ARHGEF17: variants seen among roughly 807,000 people sequenced by gnomAD.
The protein encoded by ARHGEF17 is 164 kDa Rho-specific guanine-nucleotide exchange factor.
A neutral mutation model predicts 174.0 loss-of-function variants in ARHGEF17; 80 were observed. The ratio of observed to expected loss-of-function variants is 0.46; its 90% CI spans 0.38 to 0.55. The LOEUF is 0.55. ARHGEF17 is among the 20% of genes least tolerant of loss of function. ARHGEF17 has a pLI of 0.00. For synonymous variants in ARHGEF17, 1,311 were observed against 1,189.1 expected, an observed-to-expected ratio of 1.10 and a Z score of -2.11; for missense variants, 2,886 against 2,839.7, an observed-to-expected ratio of 1.02 and a Z score of -0.37.
intron 1 of ARHGEF17, among the ~76,000 whole-genome samples, chr11:73,338,676 A>C (rs958818384): frequency 6.6e-6 from 1 of 152,046 alleles, no homozygotes; most frequent in East Asian, 1.9e-4. Context: ...CAACCACCAC[A>C]CCAGGGAGGT....
At chr11:73,345,884 G>A (rs550148781) in intron 1 of ARHGEF17, among the ~76,000 whole-genome samples, 1 of 152,264 alleles carries the variant, frequency 6.6e-6, no homozygotes, top group South Asian at 2.1e-4. Context: ...AGGGGTCTAG[G>A]GCTTGGAGTG....
intron 1 of ARHGEF17, among the ~76,000 whole-genome samples, chr11:73,335,974 T>A (rs1865280828): frequency 6.6e-6 from 1 of 152,242 alleles, no homozygotes; most frequent in Non-Finnish European, 1.5e-5. Context: ...CTTATGGATC[T>A]TCTGGTTGTG....
intron 2 of ARHGEF17, among the ~76,000 whole-genome samples, chr11:73,350,789 C>A (rs1865540669): frequency 6.6e-6 from 1 of 152,192 alleles, no homozygotes; most frequent in Non-Finnish European, 1.5e-5. Flanking sequence ...CCCTTGGCAC[C>A]CTGATCCCAC....
At position 73,310,051 on chromosome 11, in the gene ARHGEF17, C is replaced by A. The variant is rs373339589; in HGVS notation, c.1413C>A (p.Thr471=). The change falls in exon 1 of 21, where the codon ACC becomes ACA. Residue 471 remains threonine, a synonymous_variant. Coordinates refer to ENST00000263674, the MANE Select transcript of ARHGEF17 (RefSeq NM_014786.4). ...CAAATCCAGATATCGCCTCAGAGACCCTGACGCTTCTCAGTTTCCTGCGCT... is the reference window on the plus strand; with the variant it reads ...CAAATCCAGATATCGCCTCAGAGACACTGACGCTTCTCAGTTTCCTGCGCT... The part of the protein sequence containing the change: ...SLSNPDIASE[T]LTLLSFLRSD... 34 of 1,614,040 alleles carry A rather than the reference C, an allele frequency of 2.1e-5. No individual in the cohort carries two copies. The highest frequency in any genetic ancestry group is 2.8e-5 in the Non-Finnish European group (33 of 1,180,022).
At chr11:73,361,408 G>A (rs762364955) in intron 12 of ARHGEF17, among the ~76,000 whole-genome samples, 2 of 152,168 alleles carry the variant, frequency 1.3e-5, no homozygotes, top group Non-Finnish European at 2.9e-5. Context: ...ATGGGAAGTA[G>A]CTTCATTTAT....
chr11:73,341,368 G>C (rs563424436), intron 1 of ARHGEF17, among the ~76,000 whole-genome samples: 2 of 152,096 alleles, frequency 1.3e-5, no homozygotes, highest in Non-Finnish European at 1.5e-5. Flanking sequence ...TCAGCTCACC[G>C]CAACCTCAGC....
intron 20 of ARHGEF17, among the ~76,000 whole-genome samples, chr11:73,366,490 A>T (rs1351900055): frequency 6.6e-6 from 1 of 152,154 alleles, no homozygotes; most frequent in African/African-American, 2.4e-5. Flanking sequence ...GCAGTTTGGG[A>T]GGATGAGGTG....
intron 2 of ARHGEF17, among the ~76,000 whole-genome samples, chr11:73,351,102 A>G (rs1039730597): frequency 2.0e-5 from 3 of 152,220 alleles, no homozygotes; most frequent in Admixed American, 6.5e-5. Context: ...CTTGTGGAGC[A>G]GCGGGCCCTG....
rs1328343127 is a variant in ARHGEF17, at chr11:73,332,526, G to A, written c.3193-14357G>A. ...ATTTCAGTAAGTGCATGAATCTCTG[G>A]GCTTTCCTGTGGTTGGACCTTGAGG... On this transcript the variant is annotated intron_variant, in intron 1 of 20. Coordinates refer to ENST00000263674, the MANE Select transcript of ARHGEF17 (RefSeq NM_014786.4). Among the ~76,000 whole-genome samples, 4 of 152,058 alleles carry A rather than the reference G, an allele frequency of 2.6e-5. No individual in the cohort carries two copies. The East Asian group carries it at 7.7e-4, about 29-fold the overall frequency.
In ARHGEF17 at chr11:73,365,652, C is replaced by T. The variant is rs895468556; in HGVS notation, c.5726-26C>T. 6.2e-7 allele frequency: 1 copy of T among 1,608,926 alleles called. No homozygotes were observed. Reference sequence around the variant, plus strand: ...CTGAGCCAGGGCCAGAATTCAGCCCCAGCTGTGGTCTGTCTCCCACCCCAG... The same window carrying T: ...CTGAGCCAGGGCCAGAATTCAGCCCTAGCTGTGGTCTGTCTCCCACCCCAG... On this transcript the variant is annotated intron_variant, in intron 19 of 20. Transcript: ENST00000263674. This position sits in a 1 kb window ranked among gnomAD's most constrained non-coding sequence, Gnocchi z 4.9.
chr11:73,363,778 C>T lies in ARHGEF17; in HGVS notation c.5278C>T (p.Arg1760Cys), dbSNP rs750739981. 1.5e-5 allele frequency: 25 copies of T among 1,613,982 alleles called. No homozygotes were observed. Among genetic ancestry groups the T allele is most frequent in the Non-Finnish European group, 1.9e-5 (22 of 1,180,030 alleles). ...VHVYQSSDSI[R>C]DRRNSMKLQH... is the part of the protein sequence containing the mutation. ...CGTGTACCAGTCCTCCGACAGCATC[C>T]GTGACCGCAGGAACAGCATGAAGCT... is the stretch of plus-strand genomic sequence containing the variant. Residue 1760 changes from arginine (R) to cysteine (C), a missense_variant, in exon 16 of 21, where the codon CGT becomes TGT. By Grantham distance (180) the Arg-to-Cys change is radical. Transcript: ENST00000263674.
At chr11:73,363,482 A>G in intron 15 of ARHGEF17, 27 bp downstream of exon 15, 1 of 1,597,964 alleles carries the variant, frequency 6.3e-7, no homozygotes, top group African/African-American at 1.3e-5. Context: ...GACTAGGGAC[A>G]CAGTGCCAGA....
intron 1 of ARHGEF17, among the ~76,000 whole-genome samples, chr11:73,327,109 G>A (rs1340203840): frequency 6.6e-6 from 1 of 152,190 alleles, no homozygotes; most frequent in African/African-American, 2.4e-5. Flanking sequence ...CCTATGAGCA[G>A]GCAGCACCTC....
Position 73,352,811 on chromosome 11 carries a change from G to T in ARHGEF17, c.3271-19G>T. Reference sequence around the variant, plus strand: ...CGGCATCTCTGAGGGAGTGTGCACCGACCCTGTGGGTCCTTCAGGGCTACA... The same window carrying T: ...CGGCATCTCTGAGGGAGTGTGCACCTACCCTGTGGGTCCTTCAGGGCTACA... On this transcript the variant is annotated intron_variant, in intron 2 of 20. Coordinates refer to ENST00000263674, the MANE Select transcript of ARHGEF17 (RefSeq NM_014786.4). The T allele has an allele frequency of 1.2e-6, 2 of 1,613,356 alleles. No homozygotes were observed. Among genetic ancestry groups the T allele is most frequent in the Non-Finnish European group, 1.7e-6 (2 of 1,179,884 alleles).
intron 1 of ARHGEF17, among the ~76,000 whole-genome samples, chr11:73,341,399 C>T (rs1247565575): frequency 2.6e-5 from 4 of 152,152 alleles, no homozygotes; most frequent in African/African-American, 7.2e-5. Flanking sequence ...CTCCGCCTCC[C>T]GGGTTCAAGC....
chr11:73,338,917 G>T (rs373928302), intron 1 of ARHGEF17, among the ~76,000 whole-genome samples: 1 of 152,114 alleles, frequency 6.6e-6, no homozygotes, highest in Non-Finnish European at 1.5e-5. Flanking sequence ...GGGATTAAAG[G>T]AGCCAGGACG....
chr11:73,364,098 G>A (rs988503163), intron 16 of ARHGEF17, 74 bp from the exon 17 acceptor site: 2 of 1,470,692 alleles, frequency 1.4e-6, no homozygotes, highest in Non-Finnish European at 1.9e-6. Flanking sequence ...CATTCTATCT[G>A]TGGTTCCCCT....
At chr11:73,314,878 T>TA (rs1429377854) in intron 1 of ARHGEF17, among the ~76,000 whole-genome samples, 2 of 152,082 alleles carry the variant, frequency 1.3e-5, no homozygotes, top group African/African-American at 4.8e-5. Flanking sequence ...TGCCCTCAGG[T>TA]CCCTGATACC....
chr11:73,315,106 G>C (rs919156641), intron 1 of ARHGEF17, among the ~76,000 whole-genome samples: 1 of 152,154 alleles, frequency 6.6e-6, no homozygotes, highest in Non-Finnish European at 1.5e-5. Flanking sequence ...GAAGACTGTT[G>C]GATTCACCCT....
Sources: gnomAD v4.1 joint callset for allele counts (sites outside exome capture counted in the v4.1 genomes callset) on GRCh38, gnomAD v4.1.1 for gene constraint, Gnocchi (gnomAD v3.1) non-coding constraint, MANE v1.5 for transcripts, NCBI Gene and HGNC (gene_info 2026-07-23, HGNC 2026-07-21) for gene names.